The following UBR1 variants were observed in gnomAD, a reference collection of about 807,000 sequenced individuals.
The protein encoded by UBR1 is E3 ubiquitin-protein ligase UBR1.
A neutral mutation model predicts 242.1 loss-of-function variants in UBR1; 102 were observed. The observed-to-expected ratio is 0.42, with a 90% CI of 0.36 to 0.50. The LOEUF (loss-of-function observed/expected upper bound fraction) is 0.50, where lower values mean the gene tolerates loss of function less well. Ranked by LOEUF, UBR1 falls within the 20% of genes least tolerant of loss-of-function variation. The pLI is 0.01. For synonymous variants in UBR1, 675 were observed against 684.8 expected (o/e 0.99, Z 0.22); for missense variants, 1,772 against 2,101.8 (o/e 0.84, Z 3.07).
At chr15:42,989,234 A>T (rs2032520057) in intron 34 of UBR1, among the ~76,000 whole-genome samples, 1 of 152,242 alleles carries the variant, frequency 6.6e-6, no homozygotes, top group Non-Finnish European at 1.5e-5. Flanking sequence ...AAGATGCAGC[A>T]AATGCTCACA....
In UBR1 at chr15:42,960,541, A is replaced by T. The variant is rs1337737519; in HGVS notation, c.4757+104T>A. 4.7e-5 allele frequency: 53 copies of T among 1,135,050 alleles called. No homozygotes were observed. The South Asian group carries it at 5.0e-4, about 11-fold the overall frequency. The allele number at this position is 1,135,050 out of a possible 1,614,324, so 70.3% of individuals were successfully genotyped here. ...AACAGAAATCAGGAACACTGTACTG[A>T]GTGAGAATGAAGAAAGCAGACTAGA... On this transcript the variant is annotated intron_variant, in intron 43 of 46. Coordinates refer to ENST00000290650, the MANE Select transcript of UBR1 (RefSeq NM_174916.3).
In UBR1 at chr15:43,086,240, A is replaced by T. The variant is rs1307640526; in HGVS notation, c.82T>A (p.Trp28Arg). Residue 28 changes from tryptophan to arginine, a missense_variant and splice_region_variant, in exon 2 of 47, where the codon TGG becomes AGG. Around this residue, in one of 3 missense-constraint regions of UBR1, gnomAD observed 734 missense variants for 893.3 expected, o/e 0.82. Transcript: ENST00000290650. ...TAAAAATCAACTTGCTGATCCCACC[A>T]CTAAAAGAAAAGAAGATGAAAATTA... ...LPQTPQRLAS[W>R]WDQQVDFYTA... is the part of the protein sequence containing the mutation. 2 of 1,613,684 alleles carry T rather than the reference A, an allele frequency of 1.2e-6. No individual in the cohort carries two copies.
chr15:42,962,786 G>A (rs911857361), intron 42 of UBR1, among the ~76,000 whole-genome samples: 3 of 152,182 alleles, frequency 2.0e-5, no homozygotes, highest in Middle Eastern at 3.2e-3. Context: ...CACCACGCCT[G>A]GCCAACACTG....
chr15:43,092,551 G>C (rs2034116391), intron 1 of UBR1, among the ~76,000 whole-genome samples: 1 of 152,062 alleles, frequency 6.6e-6, no homozygotes, highest in Non-Finnish European at 1.5e-5. Flanking sequence ...CTATAACTTT[G>C]TGTATAGAAT....
intron 46 of UBR1, among the ~76,000 whole-genome samples, chr15:42,948,746 T>C (rs903882920): frequency 2.6e-5 from 4 of 152,290 alleles, no homozygotes; most frequent in South Asian, 4.1e-4. Context: ...CACCTCACAC[T>C]AGTTAGAATG....
chr15:43,072,738 T>G (rs1471196672), intron 4 of UBR1, among the ~76,000 whole-genome samples: 1 of 152,254 alleles, frequency 6.6e-6, no homozygotes, highest in East Asian at 1.9e-4. Flanking sequence ...GAAAGGGTAC[T>G]GGATTTTGTC....
chr15:43,032,350 A>G (rs1046223753), intron 20 of UBR1, among the ~76,000 whole-genome samples: 1 of 152,200 alleles, frequency 6.6e-6, no homozygotes, highest in African/African-American at 2.4e-5. Context: ...GACCTATAAT[A>G]TATATAAAAT....
intron 22 of UBR1, among the ~76,000 whole-genome samples, chr15:43,026,926 A>G (rs1234163627): frequency 6.6e-6 from 1 of 152,118 alleles, no homozygotes; most frequent in Non-Finnish European, 1.5e-5. Context: ...TAGAACTGAT[A>G]CCATGCCCTA....
At chr15:42,978,045 G>T in intron 37 of UBR1, 98 bp from the exon 38 acceptor site, 1 of 917,596 alleles carries the variant, frequency 1.1e-6, no homozygotes. Flanking sequence ...CATATAACAG[G>T]GTTATAAAAT....
In UBR1 at chr15:42,996,793, T is replaced by C. The variant is rs114116615; in HGVS notation, c.3757+1375A>G. 4.2e-3 allele frequency among the ~76,000 whole-genome samples: 642 copies of C among 152,204 alleles called. 7 individuals carry two copies. Among genetic ancestry groups the C allele is most frequent in the African/African-American group, 0.015 (609 of 41,536 alleles). Reference sequence around the variant, plus strand: ...AATAATCAGGGAAAATGTGGATAAATACAGAAAGATATGAATTGTAGAAAT... The same window carrying C: ...AATAATCAGGGAAAATGTGGATAAACACAGAAAGATATGAATTGTAGAAAT... On this transcript the variant is annotated intron_variant, in intron 33 of 46. Coordinates refer to ENST00000290650, the MANE Select transcript of UBR1 (RefSeq NM_174916.3).
intron 46 of UBR1, among the ~76,000 whole-genome samples, chr15:42,947,012 G>T (rs568701301): frequency 1.3e-5 from 2 of 152,248 alleles, no homozygotes; most frequent in African/African-American, 2.4e-5. Flanking sequence ...TTAGCCGGGT[G>T]TGGTGGTGCA....
intron 44 of UBR1, among the ~76,000 whole-genome samples, chr15:42,954,632 A>G (rs1454134555): frequency 3.3e-5 from 5 of 152,044 alleles, no homozygotes. Context: ...CAGTGGTGTG[A>G]CCTCAGCTCA....
intron 40 of UBR1, among the ~76,000 whole-genome samples, chr15:42,969,278 G>T (rs189910351): frequency 7.9e-5 from 12 of 152,272 alleles, no homozygotes; most frequent in African/African-American, 2.4e-4. Flanking sequence ...GTGATGATGA[G>T]CTTTTTTACA....
rs928888926 is a variant in UBR1 at position 42,967,219 on chromosome 15, G to T, written c.4458-933C>A. Among the ~76,000 whole-genome samples the T allele has an allele frequency of 1.4e-4, 16 of 113,198 alleles. No individual in the cohort carries two copies. The South Asian group carries it at 2.7e-3, about 19-fold the overall frequency. 74.3% of individuals were successfully genotyped at this position (113,198 alleles called of 152,430 possible). On this transcript the variant is annotated intron_variant, in intron 40 of 46. Transcript: ENST00000290650. ...AGGTCTGAGTGACCATGCTCAACTAGTTTTTTTTTTTTTTTTTTTTTTAAA... is the reference window on the plus strand; with the variant it reads ...AGGTCTGAGTGACCATGCTCAACTATTTTTTTTTTTTTTTTTTTTTTTAAA...
chr15:43,028,614 G>A (rs1215880608), intron 21 of UBR1, among the ~76,000 whole-genome samples: 1 of 151,196 alleles, frequency 6.6e-6, no homozygotes, highest in African/African-American at 2.4e-5. Context: ...GCATGGTGGT[G>A]CGCGCCTGTA....
chr15:43,036,794 G>C (rs924198870), intron 17 of UBR1, among the ~76,000 whole-genome samples: 1 of 151,928 alleles, frequency 6.6e-6, no homozygotes, highest in African/African-American at 2.4e-5. Context: ...ATCACTTCAG[G>C]GTTAAAAATG....
At chr15:43,098,867 T>C (rs909876129) in intron 1 of UBR1, among the ~76,000 whole-genome samples, 2 of 152,178 alleles carry the variant, frequency 1.3e-5, no homozygotes, top group African/African-American at 4.8e-5. Context: ...TCAGTTAGAC[T>C]CAAAAGACCT....
intron 14 of UBR1, among the ~76,000 whole-genome samples, chr15:43,045,430 A>G (rs887596733): frequency 1.4e-4 from 21 of 151,876 alleles, no homozygotes; most frequent in Non-Finnish European, 2.9e-5. Context: ...TAGCGCCACT[A>G]TACTCCAGCC....
intron 1 of UBR1, among the ~76,000 whole-genome samples, chr15:43,096,147 C>T (rs550997517): frequency 4.0e-5 from 6 of 150,796 alleles, no homozygotes; most frequent in African/African-American, 1.2e-4. Context: ...GATTGCTAAA[C>T]GTGGGGGTGG....
Sources: allele counts gnomAD v4.1 joint callset (sites outside exome capture counted in the v4.1 genomes callset), GRCh38; gene constraint gnomAD v4.1.1; regional missense constraint gnomAD v4.1.1; transcripts MANE v1.5; gene names NCBI Gene and HGNC (gene_info 2026-07-23, HGNC 2026-07-21).